Variants in DIPK1A observed in about 807,000 individuals in gnomAD.
DIPK1A encodes the protein family with sequence similarity 69 member A.
In DIPK1A, 27 loss-of-function variants were observed where a neutral mutation model predicts 40.8. The observed-to-expected ratio is 0.66, with a 90% confidence interval of 0.49 to 0.91. The LOEUF is 0.91. Ranked by LOEUF, DIPK1A falls within the 40% of genes least tolerant of loss-of-function variation. DIPK1A has a pLI of 0.00. For missense variants in DIPK1A, 412 were observed against 505.7 expected, an observed-to-expected ratio of 0.81 and a Z score of 1.78; for synonymous variants, 166 against 171.3, an observed-to-expected ratio of 0.97 and a Z score of 0.24.
chr1:92,849,743 G>A (rs1687752803), intron 3 of DIPK1A, among the ~76,000 whole-genome samples: 1 of 152,000 alleles, frequency 6.6e-6, no homozygotes. Flanking sequence ...TGAATGCCTG[G>A]CCTCAAGTGA....
At chr1:92,846,551 A>ACTCC in intron 4 of DIPK1A, 1 of 419,280 alleles carries the variant, frequency 2.4e-6, no homozygotes, top group Admixed American at 2.7e-5. Flanking sequence ...TAATTAATGA[A>ACTCC]CTCCCTCCTC....
chr1:92,938,348 G>C (rs1051956650), intron 1 of DIPK1A, among the ~76,000 whole-genome samples: 21 of 151,840 alleles, frequency 1.4e-4, no homozygotes, highest in African/African-American at 5.1e-4. Flanking sequence ...GTCCCAGCTA[G>C]TCTGGAGGCT....
chr1:92,946,935 C>A (rs1372934134), intron 1 of DIPK1A, among the ~76,000 whole-genome samples: 4 of 144,382 alleles, frequency 2.8e-5, no homozygotes, highest in Non-Finnish European at 4.6e-5. Context: ...CAGAGTGAGA[C>A]CCTGTCTCAA....
chr1:92,961,259 G>T, intron 1 of DIPK1A, 117 bp downstream of exon 1: 1 of 573,582 alleles, frequency 1.7e-6, no homozygotes, highest in East Asian at 4.4e-5. Flanking sequence ...GGGGCAGCGG[G>T]GTTCGGGCGG....
downstream of DIPK1A, chr1:92,837,395 A>G (rs966744388): frequency 1.4e-6 from 2 of 1,441,988 alleles, no homozygotes; most frequent in Non-Finnish European, 2.0e-6. Flanking sequence ...ACTAAAGTAA[A>G]TTCTTACTAG....
intron 1 of DIPK1A, among the ~76,000 whole-genome samples, chr1:92,927,452 C>T (rs1024323494): frequency 2.0e-5 from 3 of 150,080 alleles, no homozygotes; most frequent in Non-Finnish European, 4.4e-5. Flanking sequence ...AGCAATTCTC[C>T]CACCTCAGCC....
At chr1:92,880,667 G>A (rs1648325177) in intron 1 of DIPK1A, among the ~76,000 whole-genome samples, 1 of 151,698 alleles carries the variant, frequency 6.6e-6, no homozygotes, top group Non-Finnish European at 1.5e-5. Flanking sequence ...AAAGGATAGA[G>A]CCCATCCTGG....
In DIPK1A at chr1:92,832,959, A is replaced by G. The variant is rs112010150; in HGVS notation, c.*61T>C. Reference sequence around the variant, plus strand: ...AGTGGGACATAGCGTGTTCCGAACAAACCGACGTTTGGCATCACTGATTGC... The same window carrying G: ...AGTGGGACATAGCGTGTTCCGAACAGACCGACGTTTGGCATCACTGATTGC... On this transcript the variant is annotated 3_prime_UTR_variant, in exon 5 of 5. Transcript: ENST00000615519. 4,942 of 718,396 alleles carry G rather than the reference A, an allele frequency of 6.9e-3. 167 individuals carry two copies. In the African/African-American group the frequency reaches 0.073, roughly 11 times the overall value. 44.5% of individuals were successfully genotyped at this position (718,396 alleles called of 1,614,324 possible).
intron 1 of DIPK1A, among the ~76,000 whole-genome samples, chr1:92,900,711 GCACC>G (rs1649376719): frequency 6.6e-6 from 1 of 152,058 alleles, no homozygotes. Context: ...AATCTTCAGA[GCACC>G]CCTTCCTCCC....
At chr1:92,921,322 G>A in intron 1 of DIPK1A, among the ~76,000 whole-genome samples, 1 of 152,096 alleles carries the variant, frequency 6.6e-6, no homozygotes, top group East Asian at 1.9e-4. Flanking sequence ...CACTCAGGAT[G>A]GACAAATTGT....
chr1:92,866,263 G>A (rs1176037408), intron 2 of DIPK1A, among the ~76,000 whole-genome samples: 3 of 152,098 alleles, frequency 2.0e-5, no homozygotes, highest in East Asian at 1.9e-4. Flanking sequence ...CACCAGGCCC[G>A]GCTAATTCTT....
intron 1 of DIPK1A, among the ~76,000 whole-genome samples, chr1:92,948,737 A>T (rs372791747): frequency 6.9e-6 from 1 of 145,726 alleles, no homozygotes; most frequent in South Asian, 2.1e-4. Flanking sequence ...TTTAATATAT[A>T]TGTATATATA....
At chr1:92,940,831 A>G (rs1291339647) in intron 1 of DIPK1A, among the ~76,000 whole-genome samples, 1 of 152,194 alleles carries the variant, frequency 6.6e-6, no homozygotes, top group Non-Finnish European at 1.5e-5. Context: ...CATTCTGATG[A>G]TATCTCATCA....
intron 1 of DIPK1A, 29 bp from the exon 2 acceptor site, chr1:92,876,459 T>C: frequency 6.2e-7 from 1 of 1,609,934 alleles, no homozygotes; most frequent in Non-Finnish European, 8.5e-7. Flanking sequence ...ATAACGATCA[T>C]TCATTCAGCA....
At chr1:92,885,940 T>G (rs1014135811) in intron 1 of DIPK1A, among the ~76,000 whole-genome samples, 2 of 152,118 alleles carry the variant, frequency 1.3e-5, no homozygotes, top group Non-Finnish European at 2.9e-5. Flanking sequence ...TTAAGAAAAA[T>G]AAAGTTGGGG....
At chr1:92,907,303 T>C (rs1344584125) in intron 1 of DIPK1A, among the ~76,000 whole-genome samples, 1 of 152,188 alleles carries the variant, frequency 6.6e-6, no homozygotes, top group Non-Finnish European at 1.5e-5. Flanking sequence ...TATTCTGCAG[T>C]ATTGTCTTAA....
chr1:92,869,968 C>A (rs1425736922), intron 2 of DIPK1A, among the ~76,000 whole-genome samples: 1 of 151,510 alleles, frequency 6.6e-6, no homozygotes, highest in Non-Finnish European at 1.5e-5. Flanking sequence ...TAAAACTGAA[C>A]CATGGGAGAA....
At chr1:92,954,664 C>T (rs1353973902) in intron 1 of DIPK1A, among the ~76,000 whole-genome samples, 6 of 152,104 alleles carry the variant, frequency 3.9e-5, no homozygotes, top group East Asian at 1.9e-4. Flanking sequence ...CGTGAGCCTC[C>T]GTGCCCAGCC....
At chr1:92,955,107 T>C (rs148357083) in intron 1 of DIPK1A, among the ~76,000 whole-genome samples, 18 of 152,306 alleles carry the variant, frequency 1.2e-4, no homozygotes, top group Admixed American at 3.9e-4. Flanking sequence ...AAATACTACG[T>C]GATTCCAACT....
Sources: allele counts gnomAD v4.1 joint callset (sites outside exome capture counted in the v4.1 genomes callset), GRCh38; gene constraint gnomAD v4.1.1; transcripts MANE v1.5; gene names NCBI Gene and HGNC (gene_info 2026-07-23, HGNC 2026-07-21).